Variants in CRY1 observed in about 807,000 individuals in gnomAD.
CRY1 encodes cryptochrome-1.
A neutral mutation model predicts 76.0 loss-of-function variants in CRY1; 45 were observed. The ratio of observed to expected loss-of-function variants is 0.59; its 90% CI spans 0.47 to 0.76. The LOEUF is 0.76. Among genes scored for constraint, CRY1 ranks in the 30% least tolerant of loss-of-function variants. The pLI, the probability that CRY1 is intolerant of heterozygous loss-of-function variation, is 0.00. For missense variants in CRY1, 587 were observed against 716.4 expected (o/e 0.82, Z 2.06); for synonymous variants, 248 against 244.0 (o/e 1.02, Z -0.15).
intron 1 of CRY1, among the ~76,000 whole-genome samples, chr12:107,071,161 T>C (rs1196946015): frequency 6.6e-6 from 1 of 152,178 alleles, no homozygotes; most frequent in East Asian, 1.9e-4. Context: ...CAATAAGTAA[T>C]AGTGATGACA....
chr12:107,081,243 A>G (rs889995605), intron 1 of CRY1, among the ~76,000 whole-genome samples: 11 of 152,224 alleles, frequency 7.2e-5, no homozygotes, highest in African/African-American at 2.4e-4. Context: ...AAATCTGTTC[A>G]TTGAGAATTT....
intron 1 of CRY1, among the ~76,000 whole-genome samples, chr12:107,024,025 G>C (rs968238183): frequency 2.0e-5 from 3 of 152,110 alleles, no homozygotes; most frequent in Non-Finnish European, 4.4e-5. Context: ...AAGATCGAAG[G>C]GTTTTTACAC....
At chr12:107,066,499 A>T (rs1251133839) in intron 1 of CRY1, among the ~76,000 whole-genome samples, 1 of 152,184 alleles carries the variant, frequency 6.6e-6, no homozygotes, top group South Asian at 2.1e-4. Flanking sequence ...TTTGACACCC[A>T]GGCTGGAGTG....
At chr12:107,087,646 A>C (rs1953418949) in intron 1 of CRY1, among the ~76,000 whole-genome samples, 1 of 152,210 alleles carries the variant, frequency 6.6e-6, no homozygotes, top group African/African-American at 2.4e-5. Context: ...ACAGGTTCAT[A>C]GCTATAAGGA....
intron 1 of CRY1, among the ~76,000 whole-genome samples, chr12:107,033,999 G>C (rs1445383182): frequency 6.6e-6 from 1 of 151,560 alleles, no homozygotes; most frequent in African/African-American, 2.4e-5. Context: ...GGTAAAATAA[G>C]GCTGAGACCT....
intron 2 of CRY1, among the ~76,000 whole-genome samples, chr12:107,017,545 A>ACT (rs1180176781): frequency 6.6e-6 from 1 of 151,964 alleles, no homozygotes; most frequent in Non-Finnish European, 1.5e-5. Context: ...TGTTTGGTCC[A>ACT]CTCTCTATAT....
intron 4 of CRY1, 41 bp from the exon 5 acceptor site, chr12:107,001,409 T>C (rs1952309653): frequency 6.7e-7 from 1 of 1,500,206 alleles, no homozygotes; most frequent in Non-Finnish European, 9.1e-7. Context: ...CTTCCGAAAC[T>C]AATTTTTATT....
intron 1 of CRY1, among the ~76,000 whole-genome samples, chr12:107,078,353 A>ATTTTTGACAATTTTTCC (rs1953283238): frequency 2.6e-5 from 4 of 152,074 alleles, no homozygotes; most frequent in African/African-American, 9.7e-5. Context: ...TTTTTCCTAC[A>ATTTTTGACAATTTTTCC]TAATTGTCAA....
At chr12:107,015,272 T>A (rs1952487189) in intron 2 of CRY1, among the ~76,000 whole-genome samples, 1 of 152,136 alleles carries the variant, frequency 6.6e-6, no homozygotes, top group African/African-American at 2.4e-5. Flanking sequence ...TTTCATCTCC[T>A]TGTTAATATG....
At chr12:107,017,484 G>C (rs1238073087) in intron 2 of CRY1, among the ~76,000 whole-genome samples, 3 of 152,220 alleles carry the variant, frequency 2.0e-5, no homozygotes, top group Non-Finnish European at 2.9e-5. Context: ...GCTGGGGCTG[G>C]AGTGCCTAAG....
intron 1 of CRY1, among the ~76,000 whole-genome samples, chr12:107,051,567 T>A (rs755333634): frequency 5.0e-4 from 76 of 152,162 alleles, no homozygotes; most frequent in Non-Finnish European, 9.4e-4. Flanking sequence ...CCTATCAAAC[T>A]GCATTATTAA....
intron 2 of CRY1, among the ~76,000 whole-genome samples, chr12:107,017,972 ACTAT>A (rs1347133659): frequency 6.6e-6 from 1 of 152,190 alleles, no homozygotes; most frequent in African/African-American, 2.4e-5. Context: ...TTATTTGTTT[ACTAT>A]CTGTCTCCTT....
chr12:107,059,891 C>T (rs1398227499), intron 1 of CRY1, among the ~76,000 whole-genome samples: 1 of 152,170 alleles, frequency 6.6e-6, no homozygotes, highest in Non-Finnish European at 1.5e-5. Context: ...ATTATGTGAT[C>T]TCAGTGTAAT....
chr12:107,047,119 G>A (rs557936056), intron 1 of CRY1, among the ~76,000 whole-genome samples: 4 of 152,214 alleles, frequency 2.6e-5, no homozygotes, highest in Middle Eastern at 3.4e-3. Flanking sequence ...CAGACCACAC[G>A]TTAGGTCACA....
At chr12:107,058,285 C>G (rs1439672828) in intron 1 of CRY1, among the ~76,000 whole-genome samples, 1 of 152,114 alleles carries the variant, frequency 6.6e-6, no homozygotes, top group Non-Finnish European at 1.5e-5. Context: ...CACACAGACA[C>G]AGATGCACAC....
chr12:107,065,057 A>G (rs1953094446), intron 1 of CRY1, among the ~76,000 whole-genome samples: 1 of 152,274 alleles, frequency 6.6e-6, no homozygotes, highest in African/African-American at 2.4e-5. Flanking sequence ...GCACTTTGGG[A>G]GGCCAAGAGG....
chr12:107,036,635 C>T (rs558335788), intron 1 of CRY1, among the ~76,000 whole-genome samples: 5 of 150,896 alleles, frequency 3.3e-5, no homozygotes, highest in Admixed American at 1.3e-4. Flanking sequence ...TCCTACAGAA[C>T]GAACCCGGGC....
chr12:107,006,739 C>T lies in CRY1; in HGVS notation c.268-1491G>A, dbSNP rs189919328. On this transcript the variant is annotated intron_variant, in intron 2 of 12. Coordinates refer to ENST00000008527, the MANE Select transcript of CRY1 (RefSeq NM_004075.5). ...TGATCTTGGCTCACTGCAACCTCCA[C>T]CTCCCAGGTTCAAGCGATTCTCCTG... Among the ~76,000 whole-genome samples the T allele has an allele frequency of 9.8e-3, 1,458 of 149,156 alleles. 12 individuals are homozygous for T. Among genetic ancestry groups the T allele is most frequent in the Non-Finnish European group, 0.016 (1,094 of 67,740 alleles).
At chr12:107,027,776 T>C (rs977101518) in intron 1 of CRY1, among the ~76,000 whole-genome samples, 1 of 152,172 alleles carries the variant, frequency 6.6e-6, no homozygotes, top group African/African-American at 2.4e-5. Context: ...GACGGTTTAG[T>C]ATACTCCGTC....
Sources: gnomAD v4.1 joint callset for allele counts (sites outside exome capture counted in the v4.1 genomes callset) on GRCh38, gnomAD v4.1.1 for gene constraint, MANE v1.5 for transcripts, NCBI Gene and HGNC (gene_info 2026-07-23, HGNC 2026-07-21) for gene names.